MGAT4C: variants seen among roughly 807,000 people sequenced by gnomAD.
The protein encoded by MGAT4C is alpha-1,3-mannosyl-glycoprotein 4-beta-N-acetylglucosaminyltransferase C.
Under a neutral mutation model 40.1 loss-of-function variants are expected in MGAT4C, and 19 were observed. That is an observed-to-expected ratio of 0.47 (90% CI 0.33 to 0.70). The LOEUF is 0.70. Ranked by LOEUF, MGAT4C falls within the 30% of genes least tolerant of loss-of-function variation. MGAT4C has a pLI of 0.02. For missense variants in MGAT4C, 491 were observed against 563.2 expected, an observed-to-expected ratio of 0.87 and a Z score of 1.30; for synonymous variants, 181 against 187.1, an observed-to-expected ratio of 0.97 and a Z score of 0.27.
At chr12:86,768,489 A>C (rs1248930368) in intron 1 of MGAT4C, among the ~76,000 whole-genome samples, 16 of 152,018 alleles carry the variant, frequency 1.1e-4, no homozygotes, top group African/African-American at 3.6e-4. Context: ...GCTACCAATG[A>C]CTTTCTTCAC....
chr12:86,540,744 G>C (rs1385427503), intron 2 of MGAT4C, among the ~76,000 whole-genome samples: 1 of 151,384 alleles, frequency 6.6e-6, no homozygotes, highest in Non-Finnish European at 1.5e-5. Context: ...TCCAGAAAGA[G>C]AGAGAGAGAG....
intron 2 of MGAT4C, among the ~76,000 whole-genome samples, chr12:86,027,395 A>G (rs1003407997): frequency 2.6e-5 from 4 of 151,826 alleles, no homozygotes; most frequent in Non-Finnish European, 5.9e-5. Context: ...AAAAATTATA[A>G]TTTTCTGTTT....
At chr12:86,104,618 G>A (rs1253817658) in intron 1 of MGAT4C, among the ~76,000 whole-genome samples, 2 of 152,110 alleles carry the variant, frequency 1.3e-5, no homozygotes, top group Non-Finnish European at 2.9e-5. Context: ...TCAGGGTTCA[G>A]TTTCACAATA....
rs557386848 is a variant in MGAT4C at position 86,718,731 on chromosome 12, A to G, written c.-229+8478T>C. ...AGCGGGGTCATTAGATTCTTATAGG[A>G]GCAAGAACCAGAACCCTATTGTGAA... On this transcript the variant is annotated intron_variant, in intron 2 of 7. Transcript: ENST00000548651. Among the ~76,000 whole-genome samples, 209 of 152,236 alleles carry G rather than the reference A, an allele frequency of 1.4e-3. 1 individual carries two copies. Among genetic ancestry groups the G allele is most frequent in the African/African-American group, 4.9e-3 (203 of 41,556 alleles).
At chr12:86,332,146 A>G (rs904746727) in intron 4 of MGAT4C, among the ~76,000 whole-genome samples, 17 of 152,150 alleles carry the variant, frequency 1.1e-4, no homozygotes, top group Admixed American at 2.0e-4. Context: ...AACAATTTTA[A>G]ATTATAAAAA....
chr12:86,405,534 G>A (rs1011666912), intron 3 of MGAT4C, among the ~76,000 whole-genome samples: 1 of 151,936 alleles, frequency 6.6e-6, no homozygotes, highest in Non-Finnish European at 1.5e-5. Context: ...TTGACTAAAC[G>A]TAGTAAAGAT....
intron 2 of MGAT4C, among the ~76,000 whole-genome samples, chr12:86,460,560 C>A (rs917552647): frequency 6.6e-6 from 1 of 151,852 alleles, no homozygotes; most frequent in Non-Finnish European, 1.5e-5. Flanking sequence ...TTCTGAAAGA[C>A]TTCATATTGT....
At chr12:86,289,159 A>T (rs1953435764) in intron 4 of MGAT4C, among the ~76,000 whole-genome samples, 1 of 152,338 alleles carries the variant, frequency 6.6e-6, no homozygotes, top group East Asian at 1.9e-4. Context: ...TTTATTGAAC[A>T]GTAAGTCTTC....
At position 85,963,182 on chromosome 12, in the gene MGAT4C, A is replaced by G. The variant is rs1474573950; in HGVS notation, c.*16107T>C. On this transcript the variant is annotated 3_prime_UTR_variant, in exon 5 of 5. Transcript: ENST00000611864. ...TAAATGTTTTTTGGAGGCTATTACAAAATCACATCCTAAAATTTTAAAATG... is the reference window on the plus strand; with the variant it reads ...TAAATGTTTTTTGGAGGCTATTACAGAATCACATCCTAAAATTTTAAAATG... 6.6e-6 allele frequency: 1 copy of G among 152,020 alleles called. No homozygotes were observed. The highest frequency in any genetic ancestry group is 1.5e-5 in the Non-Finnish European group (1 of 67,886). 9.4% of individuals were successfully genotyped at this position (152,020 alleles called of 1,614,324 possible).
chr12:86,413,132 T>A (rs1321903696), intron 3 of MGAT4C, among the ~76,000 whole-genome samples: 1 of 151,940 alleles, frequency 6.6e-6, no homozygotes, highest in East Asian at 1.9e-4. Context: ...GTCTGATAAA[T>A]AAAAATAAAA....
chr12:86,323,441 GA>G (rs1310522984), intron 4 of MGAT4C, among the ~76,000 whole-genome samples: 1 of 151,166 alleles, frequency 6.6e-6, no homozygotes, highest in East Asian at 1.9e-4. Context: ...ATGGTAATAT[GA>G]AAAAAACCAC....
At chr12:86,132,952 A>G (rs996444862) in intron 1 of MGAT4C, among the ~76,000 whole-genome samples, 6 of 152,184 alleles carry the variant, frequency 3.9e-5, no homozygotes, top group Non-Finnish European at 8.8e-5. Context: ...TGATGGATTC[A>G]GTTTCTTTAC....
At chr12:86,701,255 G>A (rs575901751) in intron 2 of MGAT4C, among the ~76,000 whole-genome samples, 9 of 151,802 alleles carry the variant, frequency 5.9e-5, no homozygotes, top group Admixed American at 4.6e-4. Context: ...ACAAATTGAA[G>A]AGTTTGTTGC....
intron 1 of MGAT4C, among the ~76,000 whole-genome samples, chr12:86,119,584 T>A (rs1312575358): frequency 1.3e-5 from 2 of 152,006 alleles, no homozygotes; most frequent in African/African-American, 4.8e-5. Context: ...ATTTTTTGTA[T>A]TTTTAGTAGA....
intron 2 of MGAT4C, among the ~76,000 whole-genome samples, chr12:86,690,694 C>A (rs542139392): frequency 6.6e-6 from 1 of 152,100 alleles, no homozygotes; most frequent in South Asian, 2.1e-4. Flanking sequence ...AGAAATCACC[C>A]GCCTTCTGCT....
intron 2 of MGAT4C, among the ~76,000 whole-genome samples, chr12:86,501,512 C>A (rs866027826): frequency 1.4e-5 from 2 of 147,722 alleles, no homozygotes; most frequent in Non-Finnish European, 3.0e-5. Context: ...TCAACAGGCC[C>A]CAGTGTGTGT....
intron 2 of MGAT4C, among the ~76,000 whole-genome samples, chr12:86,586,730 T>C (rs1961058297): frequency 6.6e-6 from 1 of 151,018 alleles, no homozygotes; most frequent in African/African-American, 2.4e-5. Flanking sequence ...CATGTGTTGT[T>C]TGGCTGCATA....
chr12:86,458,762 C>T (rs1957548675), intron 2 of MGAT4C, among the ~76,000 whole-genome samples: 1 of 152,042 alleles, frequency 6.6e-6, no homozygotes, highest in Non-Finnish European at 1.5e-5. Flanking sequence ...TTCAGCAAGG[C>T]ATTTTTTTCT....
At position 86,759,962 on chromosome 12, in the gene MGAT4C, GC is replaced by G. The variant is rs538743406; in HGVS notation, c.-261-32722del. Among the ~76,000 whole-genome samples, 92 of 152,136 alleles carry G rather than the reference GC, an allele frequency of 6.0e-4. 2 individuals carry two copies. In the East Asian group the frequency reaches 0.015, roughly 25 times the overall value. ...ATGGAAGCACAAAAGACCCCAAATA[GC>G]CAAAACAATTTTGAGCAAAAATAAC... On this transcript the variant is annotated intron_variant, in intron 1 of 7. Transcript: ENST00000548651.
Sources: allele counts gnomAD v4.1 joint callset (sites outside exome capture counted in the v4.1 genomes callset), GRCh38; gene constraint gnomAD v4.1.1; transcripts MANE v1.5; gene names NCBI Gene and HGNC (gene_info 2026-07-23, HGNC 2026-07-21).